CNTNAP5: variants seen among roughly 807,000 people sequenced by gnomAD.
The protein encoded by CNTNAP5 is contactin associated protein family member 5.
In CNTNAP5, 72 loss-of-function variants were observed where a neutral mutation model predicts 150.2. The ratio of observed to expected loss-of-function variants is 0.48; its 90% CI spans 0.40 to 0.58. CNTNAP5 has a LOEUF of 0.58. CNTNAP5 is among the 20% of genes least tolerant of loss of function. The pLI, the probability that CNTNAP5 is intolerant of heterozygous loss-of-function variation, is 0.00. For missense variants in CNTNAP5, 1,636 were observed against 1,626.2 expected (o/e 1.01, Z -0.10); for synonymous variants, 672 against 619.8 (o/e 1.08, Z -1.25).
chr2:124,196,828 G>T (rs1298308370), intron 1 of CNTNAP5, among the ~76,000 whole-genome samples: 1 of 152,156 alleles, frequency 6.6e-6, no homozygotes, highest in African/African-American at 2.4e-5. Context: ...TCTCTCATCT[G>T]CACTGTCCCC....
At chr2:124,698,148 G>A (rs898750758) in intron 13 of CNTNAP5, among the ~76,000 whole-genome samples, 5 of 152,126 alleles carry the variant, frequency 3.3e-5, no homozygotes, top group African/African-American at 1.2e-4. Flanking sequence ...CATATTTTAA[G>A]GGAATTCCTT....
chr2:124,328,172 C>T (rs185382685), intron 3 of CNTNAP5, among the ~76,000 whole-genome samples: 11 of 151,696 alleles, frequency 7.3e-5, no homozygotes, highest in African/African-American at 2.2e-4. Flanking sequence ...TGTATTGTTC[C>T]CATTTTTCAT....
chr2:124,400,539 C>T (rs1691379987), intron 3 of CNTNAP5, among the ~76,000 whole-genome samples: 1 of 152,170 alleles, frequency 6.6e-6, no homozygotes, highest in Non-Finnish European at 1.5e-5. Context: ...GCTGCAATAT[C>T]ACTCCTTAAC....
chr2:124,836,761 T>A (rs1682837545), intron 19 of CNTNAP5, among the ~76,000 whole-genome samples: 1 of 152,116 alleles, frequency 6.6e-6, no homozygotes, highest in Non-Finnish European at 1.5e-5. Flanking sequence ...ACTATCTTCG[T>A]GAGTGTCAGT....
chr2:124,696,982 T>C (rs530444037), intron 13 of CNTNAP5, among the ~76,000 whole-genome samples: 1 of 152,294 alleles, frequency 6.6e-6, no homozygotes, highest in African/African-American at 2.4e-5. Context: ...AGCCTTTTCA[T>C]TGCATGAGAA....
At chr2:124,780,944 C>T (rs1304790943) in intron 17 of CNTNAP5, among the ~76,000 whole-genome samples, 10 of 152,156 alleles carry the variant, frequency 6.6e-5, no homozygotes, top group African/African-American at 2.4e-4. Context: ...ATTTATTCTT[C>T]ATTCTCCCAG....
intron 19 of CNTNAP5, among the ~76,000 whole-genome samples, chr2:124,846,382 C>A (rs999051964): frequency 6.6e-6 from 1 of 152,054 alleles, no homozygotes; most frequent in African/African-American, 2.4e-5. Context: ...TGAGACTTTC[C>A]GGTGCATTTC....
At chr2:124,781,146 T>C (rs554309863) in intron 17 of CNTNAP5, among the ~76,000 whole-genome samples, 1 of 152,314 alleles carries the variant, frequency 6.6e-6, no homozygotes, top group East Asian at 1.9e-4. Context: ...CATAATTCAC[T>C]GAGCAAATAT....
intron 13 of CNTNAP5, among the ~76,000 whole-genome samples, chr2:124,703,139 C>T (rs1418407862): frequency 7.1e-6 from 1 of 141,572 alleles, no homozygotes; most frequent in Admixed American, 7.0e-5. Context: ...GTCTCCCTCC[C>T]TCCCTTCTTT....
At chr2:124,424,824 A>C (rs528344823) in intron 4 of CNTNAP5, among the ~76,000 whole-genome samples, 2 of 152,218 alleles carry the variant, frequency 1.3e-5, no homozygotes, top group South Asian at 2.1e-4. Flanking sequence ...AAGGTAGATA[A>C]ACAAATGCTC....
intron 3 of CNTNAP5, among the ~76,000 whole-genome samples, chr2:124,416,264 A>G (rs944715775): frequency 1.3e-5 from 2 of 152,148 alleles, no homozygotes; most frequent in African/African-American, 4.8e-5. Flanking sequence ...TTGTATGTCA[A>G]AGTGTCATGT....
At chr2:124,236,711 A>C (rs933362267) in intron 2 of CNTNAP5, among the ~76,000 whole-genome samples, 1 of 152,132 alleles carries the variant, frequency 6.6e-6, no homozygotes, top group Non-Finnish European at 1.5e-5. Context: ...ATTTGTGAGA[A>C]TATGCTTGTA....
intron 12 of CNTNAP5, among the ~76,000 whole-genome samples, chr2:124,633,900 C>G (rs184479452): frequency 1.8e-4 from 28 of 152,282 alleles, no homozygotes; most frequent in Admixed American, 1.6e-3. Flanking sequence ...ATCTGGGTCC[C>G]TTTAAGCCAC....
chr2:124,856,769 T>C (rs1438396173), intron 19 of CNTNAP5, among the ~76,000 whole-genome samples: 2 of 152,194 alleles, frequency 1.3e-5, no homozygotes, highest in Non-Finnish European at 2.9e-5. Context: ...CATATCCTAC[T>C]TCAGGAGGAG....
intron 12 of CNTNAP5, among the ~76,000 whole-genome samples, chr2:124,632,367 G>T (rs1215825046): frequency 6.6e-6 from 1 of 152,194 alleles, no homozygotes; most frequent in East Asian, 1.9e-4. Context: ...AGAATACTAT[G>T]CAGCAATAAA....
chr2:124,826,584 A>G (rs1167342071), intron 19 of CNTNAP5, among the ~76,000 whole-genome samples: 5 of 152,106 alleles, frequency 3.3e-5, no homozygotes, highest in African/African-American at 1.2e-4. Context: ...TGGTCTCTGG[A>G]CCAACAGAAG....
At chr2:124,704,615 A>G (rs1392422412) in intron 13 of CNTNAP5, among the ~76,000 whole-genome samples, 2 of 152,206 alleles carry the variant, frequency 1.3e-5, no homozygotes, top group African/African-American at 4.8e-5. Context: ...ATGTTATATC[A>G]ACTCTTTAAA....
intron 10 of CNTNAP5, among the ~76,000 whole-genome samples, chr2:124,551,846 C>T (rs1695633803): frequency 6.6e-6 from 1 of 152,020 alleles, no homozygotes; most frequent in Admixed American, 6.6e-5. Context: ...AAAATTATTT[C>T]CGTAGGTTTT....
chr2:124,391,881 G>A (rs958410926), intron 3 of CNTNAP5, among the ~76,000 whole-genome samples: 4 of 152,128 alleles, frequency 2.6e-5, no homozygotes, highest in Non-Finnish European at 5.9e-5. Context: ...GAGTGAACTC[G>A]GGAAGCGGAG....
Sources: gnomAD v4.1 joint callset for allele counts (sites outside exome capture counted in the v4.1 genomes callset) on GRCh38, gnomAD v4.1.1 for gene constraint, MANE v1.5 for transcripts, NCBI Gene and HGNC (gene_info 2026-07-23, HGNC 2026-07-21) for gene names.